STAU2: variants seen among roughly 807,000 people sequenced by gnomAD.
The protein encoded by STAU2 is staufen double-stranded RNA binding protein 2, also known as double-stranded RNA-binding protein Staufen homolog 2.
Under a neutral mutation model 65.9 loss-of-function variants are expected in STAU2, and 20 were observed. That is an observed-to-expected ratio of 0.30 (90% confidence interval 0.21 to 0.44). STAU2 has a LOEUF of 0.44. Among genes scored for constraint, STAU2 ranks in the 20% least tolerant of loss-of-function variants. The pLI, the probability that STAU2 is intolerant of heterozygous loss-of-function variation, is 1.00. For missense variants in STAU2, 558 were observed against 683.9 expected (o/e 0.82, Z 2.05); for synonymous variants, 232 against 233.9 (o/e 0.99, Z 0.07).
chr8:73,709,001 T>C (rs756698264), intron 4 of STAU2, 31 bp downstream of exon 4: 5 of 1,471,012 alleles, frequency 3.4e-6, no homozygotes, highest in South Asian at 2.9e-5. Flanking sequence ...GTCTGATAAG[T>C]ATGTCTCACC....
At chr8:73,574,865 C>T (rs1157604982) in intron 12 of STAU2, among the ~76,000 whole-genome samples, 1 of 151,244 alleles carries the variant, frequency 6.6e-6, no homozygotes, top group African/African-American at 2.4e-5. Context: ...ATGTAACAAA[C>T]CTGCACATTG....
chr8:73,486,868 G>C (rs572915624), intron 13 of STAU2, among the ~76,000 whole-genome samples: 2 of 151,824 alleles, frequency 1.3e-5, no homozygotes, highest in South Asian at 4.2e-4. Context: ...GCCCAGGCTG[G>C]TCTTGAACTC....
intron 6 of STAU2, among the ~76,000 whole-genome samples, chr8:73,625,097 C>T (rs1456763301): frequency 1.3e-5 from 2 of 151,972 alleles, no homozygotes; most frequent in East Asian, 1.9e-4. Flanking sequence ...CAAATTGGAA[C>T]CCTCATACAT....
intron 13 of STAU2, among the ~76,000 whole-genome samples, chr8:73,481,528 A>AAACCAAAAAAAACC (rs1554595570): frequency 1.4e-5 from 2 of 145,356 alleles, no homozygotes; most frequent in Non-Finnish European, 3.0e-5. Context: ...AAAAAAAAAA[A>AAACCAAAAAAAACC]CACTTTTTTT....
chr8:73,529,692 CTAA>C (rs1221584559), intron 13 of STAU2, among the ~76,000 whole-genome samples: 1 of 152,138 alleles, frequency 6.6e-6, no homozygotes, highest in African/African-American at 2.4e-5. Context: ...CCTGCAAGTA[CTAA>C]TAAAACATTG....
chr8:73,587,367 C>T (rs1038718703), intron 11 of STAU2, among the ~76,000 whole-genome samples: 1 of 152,058 alleles, frequency 6.6e-6, no homozygotes, highest in Non-Finnish European at 1.5e-5. Context: ...AAACCAAGAA[C>T]AAGGGAAACT....
At chr8:73,587,109 T>C (rs1810431750) in intron 11 of STAU2, among the ~76,000 whole-genome samples, 1 of 152,158 alleles carries the variant, frequency 6.6e-6, no homozygotes, top group Non-Finnish European at 1.5e-5. Flanking sequence ...AAGTTTCATA[T>C]ACAGGCTGAA....
chr8:73,720,278 A>AAAAAAAAAAAAAAGCTATTC (rs1224084594), intron 3 of STAU2, among the ~76,000 whole-genome samples: 1 of 151,710 alleles, frequency 6.6e-6, no homozygotes, highest in African/African-American at 2.4e-5. Flanking sequence ...CTCAAAAAAA[A>AAAAAAAAAAAAAAGCTATTC]AGCTATTCAG....
chr8:73,702,499 A>T (rs2130610152), intron 4 of STAU2, among the ~76,000 whole-genome samples: 1 of 152,288 alleles, frequency 6.6e-6, no homozygotes, highest in Non-Finnish European at 1.5e-5. Context: ...GGGTATACCA[A>T]AATATCTCAT....
chr8:73,430,091 C>T (rs1817149773), intron 13 of STAU2, among the ~76,000 whole-genome samples: 1 of 152,208 alleles, frequency 6.6e-6, no homozygotes, highest in Admixed American at 6.5e-5. Flanking sequence ...CTGGATTCTC[C>T]ATTTCTTCAC....
At chr8:73,607,415 TTGTA>T (rs767195657) in intron 9 of STAU2, among the ~76,000 whole-genome samples, 2 of 152,138 alleles carry the variant, frequency 1.3e-5, no homozygotes, top group African/African-American at 2.4e-5. Flanking sequence ...ATATAGCTTT[TTGTA>T]TGTATTATAA....
At chr8:73,486,611 T>TTA (rs138537650) in intron 13 of STAU2, among the ~76,000 whole-genome samples, 6,130 of 143,500 alleles carry the variant, frequency 0.043, 258 homozygotes, top group African/African-American at 0.11. Context: ...AAAATATCCA[T>TTA]TATATATATA....
intron 13 of STAU2, among the ~76,000 whole-genome samples, chr8:73,443,237 T>C (rs1044384725): frequency 2.0e-5 from 3 of 152,176 alleles, no homozygotes; most frequent in African/African-American, 7.2e-5. Flanking sequence ...TGGATAAATA[T>C]GTGGAAAGGT....
chr8:73,560,488 G>T (rs1225229719), intron 12 of STAU2, among the ~76,000 whole-genome samples: 2 of 152,106 alleles, frequency 1.3e-5, no homozygotes, highest in African/African-American at 2.4e-5. Context: ...ATTAATTTGT[G>T]CATTTTATTG....
intron 3 of STAU2, among the ~76,000 whole-genome samples, chr8:73,720,019 T>C (rs1821527808): frequency 6.6e-6 from 1 of 152,154 alleles, no homozygotes; most frequent in Non-Finnish European, 1.5e-5. Context: ...ATAGCTCATG[T>C]CTGTAACCCT....
chr8:73,457,445 G>T (rs938262587), intron 13 of STAU2, among the ~76,000 whole-genome samples: 2 of 152,198 alleles, frequency 1.3e-5, no homozygotes, highest in African/African-American at 4.8e-5. Flanking sequence ...TCTTCATCTC[G>T]AATGAACCGC....
At chr8:73,717,657 T>A (rs1430534605) in intron 3 of STAU2, among the ~76,000 whole-genome samples, 1 of 151,842 alleles carries the variant, frequency 6.6e-6, no homozygotes, top group Non-Finnish European at 1.5e-5. Context: ...TTGTTGTTGT[T>A]GTTGTTTTGA....
intron 9 of STAU2, among the ~76,000 whole-genome samples, chr8:73,609,484 T>G (rs111300387): frequency 0.013 from 2,003 of 151,922 alleles, 37 homozygotes; most frequent in African/African-American, 0.044. Flanking sequence ...AAACACTGTC[T>G]CTACTAAAAA....
rs1554595571 is a variant in STAU2, at chr8:73,481,518, A to AAAC, written c.1531-58817_1531-58816insGTT. 7.0e-3 allele frequency among the ~76,000 whole-genome samples: 826 copies of AAAC among 118,408 alleles called. 14 individuals are homozygous for AAAC. The highest frequency in any genetic ancestry group is 0.023 in the African/African-American group (735 of 31,706). 77.7% of individuals were successfully genotyped at this position (118,408 alleles called of 152,430 possible). On this transcript the variant is annotated intron_variant, in intron 13 of 14. Transcript: ENST00000524300. ...AATAAGCCAAAAAAACAAAAAAACA[A>AAAC]AAAAAAAAAACACTTTTTTTGAGTG... is the stretch of plus-strand genomic sequence containing the variant.
Sources: gnomAD v4.1 joint callset for allele counts (sites outside exome capture counted in the v4.1 genomes callset) on GRCh38, gnomAD v4.1.1 for gene constraint, MANE v1.5 for transcripts, NCBI Gene and HGNC (gene_info 2026-07-23, HGNC 2026-07-21) for gene names.